The following CERKL variants were observed in gnomAD, a reference collection of about 807,000 sequenced individuals.
The protein encoded by CERKL is ceramide kinase-like protein.
A neutral mutation model predicts 63.4 loss-of-function variants in CERKL; 61 were observed. That is an observed-to-expected ratio of 0.96 (90% confidence interval 0.78 to 1.19). The LOEUF (loss-of-function observed/expected upper bound fraction) is 1.19, where lower values mean the gene tolerates loss of function less well. Ranked by LOEUF, CERKL falls within the 50% of genes most tolerant of loss-of-function variation. CERKL has a pLI of 0.00. For synonymous variants in CERKL, 250 were observed against 230.5 expected, an observed-to-expected ratio of 1.08 and a Z score of -0.77; for missense variants, 675 against 655.5, an observed-to-expected ratio of 1.03 and a Z score of -0.33.
At position 181,558,437 on chromosome 2, in the gene CERKL, T is replaced by A; in HGVS notation, c.820+129A>T. On this transcript the variant is annotated intron_variant, in intron 5 of 12. Coordinates refer to ENST00000410087, the MANE Select transcript of CERKL (RefSeq NM_201548.5). This position sits in a 1 kb window ranked among gnomAD's most constrained non-coding sequence, Gnocchi z 4.2. ...TTGTCAAAAGTCTCACATTTGCTAG[T>A]GGGGATGCCAGAAGTCTGGATCTTT... 1.0e-6 allele frequency: 1 copy of A among 970,904 alleles called. No homozygotes were observed. The highest frequency in any genetic ancestry group is 1.6e-6 in the Non-Finnish European group (1 of 613,358). The allele number at this position is 970,904 out of a possible 1,614,324, so 60.1% of individuals were successfully genotyped here. A position where few individuals can be genotyped will look rare whatever the true frequency, so the allele number is the denominator to read the frequency against.
chr2:181,585,508 A>G (rs1684722745), intron 2 of CERKL, among the ~76,000 whole-genome samples: 1 of 152,148 alleles, frequency 6.6e-6, no homozygotes, highest in Admixed American at 6.5e-5. Flanking sequence ...AAAAATACTT[A>G]ATAAAGAACC....
chr2:181,623,543 C>T (rs1686548731), intron 1 of CERKL, among the ~76,000 whole-genome samples: 1 of 152,186 alleles, frequency 6.6e-6, no homozygotes, highest in Non-Finnish European at 1.5e-5. Flanking sequence ...ATGATTTGAG[C>T]TTCACTCTTT....
intron 1 of CERKL, among the ~76,000 whole-genome samples, chr2:181,644,978 T>C (rs1388616739): frequency 2.0e-5 from 3 of 152,164 alleles, no homozygotes; most frequent in Non-Finnish European, 2.9e-5. Flanking sequence ...GAGCCAAGCA[T>C]GGAAATCTTA....
In CERKL at chr2:181,547,651, G is replaced by C; in HGVS notation, c.1235C>G (p.Ser412Ter). 6.2e-7 allele frequency: 1 copy of C among 1,614,010 alleles called. No homozygotes were observed. Among genetic ancestry groups the C allele is most frequent in the East Asian group, 2.2e-5 (1 of 44,860 alleles). ...VSIMAIPCLC[S>*]VAPRGLAPNT... is the part of the protein sequence containing the mutation. ...AGGTGCCAAGCCTCTAGGTGCCACTGAACACAGGCAAGGAATTGCCATAAT... is the reference window on the plus strand; with the variant it reads ...AGGTGCCAAGCCTCTAGGTGCCACTCAACACAGGCAAGGAATTGCCATAAT... Residue 412 changes from serine to a stop codon, truncating the protein, a stop_gained, in exon 10 of 13, where the codon TCA (serine) becomes TGA (stop). Coordinates refer to ENST00000410087, the MANE Select transcript of CERKL (RefSeq NM_201548.5). LOFTEE classifies it high-confidence loss of function.
chr2:181,553,039 G>A (rs901663700), intron 5 of CERKL, among the ~76,000 whole-genome samples: 4 of 152,102 alleles, frequency 2.6e-5, no homozygotes, highest in Non-Finnish European at 2.9e-5. Context: ...TGTTAAAAAC[G>A]TACATTCCTG....
chr2:181,639,577 T>C (rs948966924), intron 1 of CERKL, among the ~76,000 whole-genome samples: 1 of 152,190 alleles, frequency 6.6e-6, no homozygotes, highest in Non-Finnish European at 1.5e-5. Flanking sequence ...TCAGATAATG[T>C]TGTTTCAAAG....
chr2:181,582,026 T>C (rs1684535615), intron 2 of CERKL, among the ~76,000 whole-genome samples: 1 of 152,192 alleles, frequency 6.6e-6, no homozygotes, highest in African/African-American at 2.4e-5. Context: ...TAAATCTCAT[T>C]TTCTGTTCTT....
At chr2:181,617,882 G>A (rs1314136341) in intron 1 of CERKL, among the ~76,000 whole-genome samples, 1 of 152,176 alleles carries the variant, frequency 6.6e-6, no homozygotes, top group Non-Finnish European at 1.5e-5. Flanking sequence ...ATTAAAAGAT[G>A]TTTCCTTTTC....
chr2:181,618,512 G>A (rs1201201784), intron 1 of CERKL, among the ~76,000 whole-genome samples: 1 of 151,756 alleles, frequency 6.6e-6, no homozygotes, highest in Non-Finnish European at 1.5e-5. Flanking sequence ...CATCTCCCTG[G>A]GTTCAAGTGA....
At chr2:181,609,992 G>T (rs1294310584) in intron 1 of CERKL, among the ~76,000 whole-genome samples, 1 of 150,692 alleles carries the variant, frequency 6.6e-6, no homozygotes, top group Non-Finnish European at 1.5e-5. Context: ...AAATAGAAAA[G>T]CCGTAAGACA....
In CERKL at chr2:181,550,099, T is replaced by G. The variant is rs981078934; in HGVS notation, c.821-391A>C. Among the ~76,000 whole-genome samples the G allele has an allele frequency of 2.6e-5, 4 of 152,048 alleles. No homozygotes were observed. Among genetic ancestry groups the G allele is most frequent in the African/African-American group, 7.2e-5 (3 of 41,404 alleles). ...GGTGCCTCTGGGGAGCAGTGACAAA[T>G]GCATACATAAATAAAAGAGAAAATA... On this transcript the variant is annotated intron_variant, in intron 5 of 12. Transcript: ENST00000410087. This position sits in a 1 kb window ranked among gnomAD's most constrained non-coding sequence, Gnocchi z 4.5.
chr2:181,578,221 T>TAC (rs935590203), intron 2 of CERKL, among the ~76,000 whole-genome samples: 75 of 151,588 alleles, frequency 4.9e-4, no homozygotes, highest in African/African-American at 1.5e-3. Flanking sequence ...CACATATATA[T>TAC]ACACACACAC....
chr2:181,593,389 C>T (rs1364039389), intron 2 of CERKL, among the ~76,000 whole-genome samples: 1 of 152,102 alleles, frequency 6.6e-6, no homozygotes, highest in Non-Finnish European at 1.5e-5. Context: ...CCGTGGTAAA[C>T]AGTTTAAAGA....
Position 181,571,827 on chromosome 2 carries a change from G to T in CERKL, c.613+1926C>A, listed in dbSNP as rs150399890. On this transcript the variant is annotated intron_variant, in intron 3 of 12. Transcript: ENST00000410087. The stretch of plus-strand genomic sequence containing the variant: ...GATGGTTAAATAAATGATTATTCCA[G>T]ATTGACTGCGCTAATACAGTATCTG... 2.8e-4 allele frequency among the ~76,000 whole-genome samples: 42 copies of T among 152,234 alleles called. 1 individual carries two copies. Among genetic ancestry groups the T allele is most frequent in the Middle Eastern group, 3.4e-3 (1 of 294 alleles).
At chr2:181,563,796 C>T (rs1250313775) in intron 4 of CERKL, among the ~76,000 whole-genome samples, 1 of 152,070 alleles carries the variant, frequency 6.6e-6, no homozygotes, top group African/African-American at 2.4e-5. Flanking sequence ...TCATATATCT[C>T]TCTATGTAAT....
chr2:181,627,354 G>T (rs747790540), intron 1 of CERKL, among the ~76,000 whole-genome samples: 2 of 152,108 alleles, frequency 1.3e-5, no homozygotes, highest in Non-Finnish European at 2.9e-5. Flanking sequence ...ATTAAGAGGA[G>T]AAACATAGAA....
chr2:181,544,827 G>C, intron 10 of CERKL, 31 bp from the exon 11 acceptor site: 1 of 1,362,234 alleles, frequency 7.3e-7, no homozygotes, highest in Non-Finnish European at 1.0e-6. Flanking sequence ...TAGACATCAA[G>C]AAATTTACTA....
chr2:181,570,322 G>A (rs752155093), intron 3 of CERKL, among the ~76,000 whole-genome samples: 5 of 152,228 alleles, frequency 3.3e-5, no homozygotes, highest in African/African-American at 4.8e-5. Flanking sequence ...ATATGGCCTC[G>A]AAAGTTCTTT....
rs149989206 is a variant in CERKL, at chr2:181,584,221, C to T, written c.482-10337G>A. 7.4e-3 allele frequency among the ~76,000 whole-genome samples: 1,126 copies of T among 152,038 alleles called. 14 individuals are homozygous for T. The highest frequency in any genetic ancestry group is 0.025 in the African/African-American group (1,021 of 41,442). The stretch of plus-strand genomic sequence containing the variant: ...ATCTTTGACTTATCCTCTTAATAAC[C>T]GCCATATTGGCCAGGCATGGTGGCT... On this transcript the variant is annotated intron_variant, in intron 2 of 12. Transcript: ENST00000410087.
Sources: allele counts gnomAD v4.1 joint callset (sites outside exome capture counted in the v4.1 genomes callset), GRCh38; gene constraint gnomAD v4.1.1; non-coding constraint Gnocchi (gnomAD v3.1); transcripts MANE v1.5; gene names NCBI Gene and HGNC (gene_info 2026-07-23, HGNC 2026-07-21).